The following ZFAND3 variants were observed in gnomAD, a reference collection of about 807,000 sequenced individuals.
ZFAND3 encodes the protein zinc finger AN1-type containing 3, also known as AN1-type zinc finger protein 3.
A neutral mutation model predicts 29.6 loss-of-function variants in ZFAND3; 10 were observed. The ratio of observed to expected loss-of-function variants is 0.34; its 90% CI spans 0.21 to 0.57. The LOEUF (loss-of-function observed/expected upper bound fraction) is 0.57. ZFAND3 is among the 20% of genes least tolerant of loss of function. The pLI is 0.86. For missense variants in ZFAND3, 230 were observed against 304.5 expected, an observed-to-expected ratio of 0.76 and a Z score of 1.82; for synonymous variants, 128 against 112.6, an observed-to-expected ratio of 1.14 and a Z score of -0.87.
At chr6:38,130,608 T>G (rs1562010699) in intron 5 of ZFAND3, among the ~76,000 whole-genome samples, 1 of 152,204 alleles carries the variant, frequency 6.6e-6, no homozygotes, top group Non-Finnish European at 1.5e-5. Flanking sequence ...GTGTGGTATA[T>G]CCCATTTATT....
At chr6:38,060,745 C>G (rs983416101) in intron 2 of ZFAND3, among the ~76,000 whole-genome samples, 4 of 152,076 alleles carry the variant, frequency 2.6e-5, no homozygotes, top group African/African-American at 9.7e-5. Context: ...GCTACTGTGC[C>G]CTGCCTGTTC....
At chr6:37,961,766 ACCT>A (rs1762202812) in intron 2 of ZFAND3, among the ~76,000 whole-genome samples, 1 of 152,224 alleles carries the variant, frequency 6.6e-6, no homozygotes, top group Non-Finnish European at 1.5e-5. Context: ...TCAAGGTGGT[ACCT>A]CTTAAGAGTC....
At chr6:37,989,631 T>TA (rs1189167772) in intron 2 of ZFAND3, among the ~76,000 whole-genome samples, 4 of 152,068 alleles carry the variant, frequency 2.6e-5, no homozygotes, top group Admixed American at 6.6e-5. Context: ...TAGCAATAGA[T>TA]AAAGAGCAAG....
intron 2 of ZFAND3, among the ~76,000 whole-genome samples, chr6:38,043,222 T>C (rs1581865678): frequency 6.6e-6 from 1 of 151,766 alleles, no homozygotes; most frequent in Admixed American, 6.6e-5. Flanking sequence ...TCCTTCTTCC[T>C]CCCTCCGTAT....
At chr6:37,958,796 T>C (rs1464781157) in intron 2 of ZFAND3, among the ~76,000 whole-genome samples, 1 of 152,310 alleles carries the variant, frequency 6.6e-6, no homozygotes, top group South Asian at 2.1e-4. Context: ...GCTTGTATTT[T>C]ACAATTGTAA....
intron 1 of ZFAND3, among the ~76,000 whole-genome samples, chr6:37,914,674 T>TTTTTTTTTTTTC (rs1554157854): frequency 7.1e-6 from 1 of 141,690 alleles, no homozygotes; most frequent in East Asian, 2.0e-4. Flanking sequence ...TTTTTTTTCT[T>TTTTTTTTTTTTC]TTTTTTTTAG....
At chr6:37,823,114 T>TTAC (rs1763696646) in intron 1 of ZFAND3, among the ~76,000 whole-genome samples, 1 of 152,190 alleles carries the variant, frequency 6.6e-6, no homozygotes, top group African/African-American at 2.4e-5. Context: ...TGTGTGGGTA[T>TTAC]GACTCTGTGT....
chr6:38,049,151 T>C (rs1676387910), intron 2 of ZFAND3, among the ~76,000 whole-genome samples: 1 of 152,216 alleles, frequency 6.6e-6, no homozygotes, highest in Non-Finnish European at 1.5e-5. Flanking sequence ...AAAACTTTCG[T>C]ATTTGTATCC....
chr6:37,898,824 A>G (rs1266983824), intron 1 of ZFAND3, among the ~76,000 whole-genome samples: 1 of 152,194 alleles, frequency 6.6e-6, no homozygotes, highest in Non-Finnish European at 1.5e-5. Context: ...AGTTAATTCT[A>G]ATATTTTACA....
At chr6:38,040,785 A>G (rs1395745403) in intron 2 of ZFAND3, among the ~76,000 whole-genome samples, 2 of 152,188 alleles carry the variant, frequency 1.3e-5, no homozygotes, top group Admixed American at 1.3e-4. Context: ...ATCCTTGAAT[A>G]TTTTCATGTA....
intron 2 of ZFAND3, among the ~76,000 whole-genome samples, chr6:38,049,872 C>T (rs1489078832): frequency 2.7e-5 from 3 of 112,696 alleles, no homozygotes; most frequent in Non-Finnish European, 3.9e-5. Context: ...CTCCTCGCTC[C>T]CCCACCCCCA....
intron 1 of ZFAND3, among the ~76,000 whole-genome samples, chr6:37,879,073 A>G (rs187025693): frequency 6.6e-6 from 1 of 152,342 alleles, no homozygotes; most frequent in East Asian, 1.9e-4. Flanking sequence ...ACCCGTATGT[A>G]GTTGAGTATT....
chr6:37,826,145 ATC>A (rs1444042779), intron 1 of ZFAND3, among the ~76,000 whole-genome samples: 3 of 152,216 alleles, frequency 2.0e-5, no homozygotes, highest in Non-Finnish European at 2.9e-5. Flanking sequence ...TAAGGTTGAT[ATC>A]TCAGCAAAGC....
Position 38,144,206 on chromosome 6 carries a change from TA to T in ZFAND3, c.530-8028del, listed in dbSNP as rs1562016010. On this transcript the variant is annotated intron_variant, in intron 5 of 5. Coordinates refer to ENST00000287218, the MANE Select transcript of ZFAND3 (RefSeq NM_021943.3). ...TATAATATATATATATATATATATA[TA>T]TATAATATATAATATATATATATAT... Among the ~76,000 whole-genome samples, 16 of 44,274 alleles carry T rather than the reference TA, an allele frequency of 3.6e-4. 2 individuals carry two copies. Among genetic ancestry groups the T allele is most frequent in the East Asian group, 1.9e-3 (6 of 3,114 alleles). 29.0% of individuals were successfully genotyped at this position (44,274 alleles called of 152,430 possible). A position where few individuals can be genotyped will look rare whatever the true frequency, so the allele number is the denominator to read the frequency against.
chr6:37,947,102 T>C (rs760795828), intron 2 of ZFAND3, among the ~76,000 whole-genome samples: 3 of 152,194 alleles, frequency 2.0e-5, no homozygotes, highest in Non-Finnish European at 4.4e-5. Context: ...ATGATTAAAA[T>C]AGTGTTTACT....
Position 37,823,997 on chromosome 6 carries a change from A to G in ZFAND3, c.71+3981A>G, listed in dbSNP as rs894382632. On this transcript the variant is annotated intron_variant, in intron 1 of 5. Transcript: ENST00000287218. ...GTAGAGACGTGGGAGACTGTTATCG[A>G]ACTCCCGACCTCAGGTGATCCTCCC... is the stretch of plus-strand genomic sequence containing the variant. Among the ~76,000 whole-genome samples the G allele has an allele frequency of 4.6e-5, 7 of 152,236 alleles. No individual in the cohort carries two copies. The East Asian group carries it at 1.4e-3, about 29-fold the overall frequency.
chr6:37,853,953 T>A lies in ZFAND3; in HGVS notation c.71+33937T>A, dbSNP rs534081942. The stretch of plus-strand genomic sequence containing the variant: ...ATAGGGCTTTTGCCTTTTTAAAAAA[T>A]TTTTTTTTTATTTTTTAGATGGAGT... On this transcript the variant is annotated intron_variant, in intron 1 of 5. Coordinates refer to ENST00000287218, the MANE Select transcript of ZFAND3 (RefSeq NM_021943.3). Among the ~76,000 whole-genome samples, 1,226 of 149,532 alleles carry A rather than the reference T, an allele frequency of 8.2e-3. 3 individuals are homozygous for A. Among genetic ancestry groups the A allele is most frequent in the Non-Finnish European group, 0.012 (789 of 67,740 alleles).
chr6:37,864,970 A>G (rs1764562706), intron 1 of ZFAND3, among the ~76,000 whole-genome samples: 1 of 152,168 alleles, frequency 6.6e-6, no homozygotes, highest in African/African-American at 2.4e-5. Flanking sequence ...ACTTGAGGTC[A>G]GGAGTTTGAG....
At chr6:38,077,192 G>C (rs1764571325) in intron 3 of ZFAND3, among the ~76,000 whole-genome samples, 1 of 150,890 alleles carries the variant, frequency 6.6e-6, no homozygotes, top group African/African-American at 2.4e-5. Flanking sequence ...TGCCCAGGGA[G>C]GCTTAGGAGG....
Sources: allele counts gnomAD v4.1 joint callset (sites outside exome capture counted in the v4.1 genomes callset), GRCh38; gene constraint gnomAD v4.1.1; transcripts MANE v1.5; gene names NCBI Gene and HGNC (gene_info 2026-07-23, HGNC 2026-07-21).